CTNND2: variants seen among roughly 807,000 people sequenced by gnomAD.
CTNND2 encodes the protein catenin delta-2.
A neutral mutation model predicts 144.4 loss-of-function variants in CTNND2; 22 were observed. The ratio of observed to expected loss-of-function variants is 0.15; its 90% CI spans 0.11 to 0.22. The LOEUF (loss-of-function observed/expected upper bound fraction) is 0.22, where lower values mean the gene tolerates loss of function less well. Ranked by LOEUF, CTNND2 falls within the 10% of genes least tolerant of loss-of-function variation. The probability of loss-of-function intolerance (pLI) is 1.00; values close to 1 mark genes in which losing one functional copy is unlikely to be tolerated. For synonymous variants in CTNND2, 751 were observed against 695.6 expected (o/e 1.08, Z -1.25); for missense variants, 1,353 against 1,618.8 (o/e 0.84, Z 2.82).
chr5:11,671,625 A>G (rs1382699279), intron 2 of CTNND2, among the ~76,000 whole-genome samples: 1 of 151,828 alleles, frequency 6.6e-6, no homozygotes. Context: ...CTTCAGCTCC[A>G]TCAAGTCATT....
intron 18 of CTNND2, among the ~76,000 whole-genome samples, chr5:11,012,768 T>C (rs1410311927): frequency 6.6e-6 from 1 of 152,206 alleles, no homozygotes; most frequent in Non-Finnish European, 1.5e-5. Flanking sequence ...CAATGTGATC[T>C]CCAGTTTTAT....
At chr5:11,573,004 G>C (rs1394322116) in intron 2 of CTNND2, among the ~76,000 whole-genome samples, 1 of 152,054 alleles carries the variant, frequency 6.6e-6, no homozygotes, top group Non-Finnish European at 1.5e-5. Flanking sequence ...ACCTGGGAGA[G>C]GATCAAGGTA....
At chr5:11,870,577 A>G (rs1416939982) in intron 1 of CTNND2, among the ~76,000 whole-genome samples, 1 of 152,192 alleles carries the variant, frequency 6.6e-6, no homozygotes, top group East Asian at 1.9e-4. Context: ...TCCCTATAAA[A>G]GGAAGTGAAA....
intron 9 of CTNND2, among the ~76,000 whole-genome samples, chr5:11,286,965 T>C (rs1310691184): frequency 1.3e-5 from 2 of 152,100 alleles, no homozygotes; most frequent in Admixed American, 1.3e-4. Flanking sequence ...CTGTAGTCTA[T>C]CCATGCAATG....
intron 12 of CTNND2, among the ~76,000 whole-genome samples, chr5:11,150,193 T>C (rs558088125): frequency 6.6e-6 from 1 of 152,260 alleles, no homozygotes; most frequent in Middle Eastern, 3.4e-3. Context: ...CCTCTCACTC[T>C]TCCATAGCAC....
intron 3 of CTNND2, among the ~76,000 whole-genome samples, chr5:11,435,415 T>C (rs540143210): frequency 3.6e-4 from 55 of 152,072 alleles, no homozygotes; most frequent in Non-Finnish European, 6.3e-4. Flanking sequence ...GTGCAGGGAT[T>C]ACAAGCCTGA....
At chr5:11,660,874 T>C (rs565676171) in intron 2 of CTNND2, among the ~76,000 whole-genome samples, 5 of 152,098 alleles carry the variant, frequency 3.3e-5, no homozygotes, top group Non-Finnish European at 7.4e-5. Context: ...ATCAATATAA[T>C]TAAAAGTAAC....
chr5:11,195,391 G>C (rs989746783), intron 11 of CTNND2, among the ~76,000 whole-genome samples: 6 of 152,142 alleles, frequency 3.9e-5, no homozygotes, highest in Non-Finnish European at 8.8e-5. Flanking sequence ...AGAGAGAAGA[G>C]GGCATAGGAT....
chr5:11,690,640 G>C (rs1010251208), intron 2 of CTNND2, among the ~76,000 whole-genome samples: 1 of 150,894 alleles, frequency 6.6e-6, no homozygotes, highest in Non-Finnish European at 1.5e-5. Flanking sequence ...AGAGGCTGAG[G>C]CAGGAGAATG....
intron 3 of CTNND2, among the ~76,000 whole-genome samples, chr5:11,458,280 C>T (rs115668024): frequency 0.012 from 1,801 of 152,226 alleles, 26 homozygotes; most frequent in African/African-American, 0.032. Flanking sequence ...ACATGCTGGG[C>T]AACTTCCATG....
chr5:11,547,719 A>G, intron 3 of CTNND2, among the ~76,000 whole-genome samples: 1 of 152,230 alleles, frequency 6.6e-6, no homozygotes, highest in East Asian at 1.9e-4. Context: ...ATTTGCAACA[A>G]CAGCACCAAA....
chr5:11,435,170 A>T (rs1447616560), intron 3 of CTNND2, among the ~76,000 whole-genome samples: 1 of 150,916 alleles, frequency 6.6e-6, no homozygotes, highest in African/African-American at 2.4e-5. Flanking sequence ...ACAGAGTCTC[A>T]CTCTGTCACC....
chr5:11,665,777 C>T (rs1185968321), intron 2 of CTNND2, among the ~76,000 whole-genome samples: 1 of 152,112 alleles, frequency 6.6e-6, no homozygotes, highest in African/African-American at 2.4e-5. Flanking sequence ...CAGTGAAGAC[C>T]CTAACCCTTT....
At position 11,301,900 on chromosome 5, in the gene CTNND2, A is replaced by G. The variant is rs574830522; in HGVS notation, c.1628+44472T>C. Among the ~76,000 whole-genome samples the G allele has an allele frequency of 5.3e-5, 8 of 152,180 alleles. No individual in the cohort carries two copies. In the South Asian group the frequency reaches 1.7e-3, roughly 32 times the overall value. ...ATGGAAATGACATTTTTCCTGGAAG[A>G]TGGAACTTGGCCCTTCACTGCTCCA... On this transcript the variant is annotated intron_variant, in intron 9 of 21. Transcript: ENST00000304623.
chr5:11,151,591 ATAAAT>A (rs1396467806), intron 12 of CTNND2, among the ~76,000 whole-genome samples: 3 of 152,248 alleles, frequency 2.0e-5, no homozygotes, highest in Non-Finnish European at 4.4e-5. Flanking sequence ...CGCTGAAAAG[ATAAAT>A]TAAATATTTG....
intron 1 of CTNND2, among the ~76,000 whole-genome samples, chr5:11,846,044 G>A (rs892971176): frequency 7.2e-5 from 11 of 152,124 alleles, no homozygotes; most frequent in African/African-American, 2.7e-4. Context: ...TGAATGAATG[G>A]CTAATAGAGA....
intron 1 of CTNND2, among the ~76,000 whole-genome samples, chr5:11,784,086 T>C (rs1162674731): frequency 1.3e-5 from 2 of 152,120 alleles, no homozygotes; most frequent in African/African-American, 4.8e-5. Flanking sequence ...TAGAACACAC[T>C]AGGGAATAAG....
At chr5:11,403,428 T>C (rs6884596) in intron 5 of CTNND2, among the ~76,000 whole-genome samples, 22,090 of 152,130 alleles carry the variant, frequency 0.15, 2,822 homozygotes, top group African/African-American at 0.35. Context: ...TTTACAATGG[T>C]GTAAAATGGA....
intron 10 of CTNND2, among the ~76,000 whole-genome samples, chr5:11,206,139 G>A (rs1407945973): frequency 6.6e-6 from 1 of 152,154 alleles, no homozygotes; most frequent in South Asian, 2.1e-4. Flanking sequence ...TTAATAAAAT[G>A]TTGATATGTG....
Sources: allele counts gnomAD v4.1 joint callset (sites outside exome capture counted in the v4.1 genomes callset), GRCh38; gene constraint gnomAD v4.1.1; transcripts MANE v1.5; gene names NCBI Gene and HGNC (gene_info 2026-07-23, HGNC 2026-07-21).